The following NTF3 variants were observed in gnomAD, a reference collection of about 807,000 sequenced individuals.
NTF3 encodes the protein neurotrophin 3.
Under a neutral mutation model 26.3 loss-of-function variants are expected in NTF3, and 8 were observed. The ratio of observed to expected loss-of-function variants is 0.30; its 90% confidence interval spans 0.18 to 0.55. NTF3 has a LOEUF of 0.55. Among genes scored for constraint, NTF3 ranks in the 20% least tolerant of loss-of-function variants. The pLI is 0.93. For synonymous variants in NTF3, 154 were observed against 145.5 expected (o/e 1.06, Z -0.42); for missense variants, 276 against 352.9 (o/e 0.78, Z 1.75).
At chr12:5,449,540 G>A (rs1163702370) in intron 1 of NTF3, among the ~76,000 whole-genome samples, 1 of 152,132 alleles carries the variant, frequency 6.6e-6, no homozygotes, top group Non-Finnish European at 1.5e-5. Context: ...CTATTTTGCT[G>A]CCATCCCAGC....
At chr12:5,472,051 G>T (rs566237211) in intron 1 of NTF3, among the ~76,000 whole-genome samples, 1 of 152,146 alleles carries the variant, frequency 6.6e-6, no homozygotes, top group Non-Finnish European at 1.5e-5. Context: ...GGCCAAGAAA[G>T]CATCACCTGG....
intron 1 of NTF3, among the ~76,000 whole-genome samples, chr12:5,444,828 G>A (rs1940283981): frequency 6.6e-6 from 1 of 152,196 alleles, no homozygotes; most frequent in South Asian, 2.1e-4. Flanking sequence ...AAGAATTAAT[G>A]AATGAGCAAA....
Position 5,433,333 on chromosome 12 carries a change from G to T in NTF3, c.18+991G>T. 1 of 152,672 alleles carries T rather than the reference G, an allele frequency of 6.5e-6. No individual in the cohort carries two copies. Among genetic ancestry groups the T allele is most frequent in the Non-Finnish European group, 1.5e-5 (1 of 68,288 alleles). The allele number at this position is 152,672 out of a possible 1,614,324, so 9.5% of individuals were successfully genotyped here. ...CCTGGGCACCCGCGCAGCCAGCCAGGTCGGAGTTTAAAGGTCCCACGACGG... is the reference window on the plus strand; with the variant it reads ...CCTGGGCACCCGCGCAGCCAGCCAGTTCGGAGTTTAAAGGTCCCACGACGG... On this transcript the variant is annotated intron_variant, in intron 1 of 1. Coordinates refer to ENST00000423158, the MANE Select transcript of NTF3 (RefSeq NM_001102654.2). This position sits in a 1 kb window ranked among gnomAD's most constrained non-coding sequence, Gnocchi z 4.6.
At chr12:5,486,880 G>GGTGTGTGTGTGT (rs10527557) in intron 1 of NTF3, among the ~76,000 whole-genome samples, 2 of 148,700 alleles carry the variant, frequency 1.3e-5, no homozygotes, top group African/African-American at 5.0e-5. Flanking sequence ...GTAGTTACGT[G>GGTGTGTGTGTGT]GTGTGTGTGT....
intron 1 of NTF3, among the ~76,000 whole-genome samples, chr12:5,480,064 C>A (rs1469030190): frequency 6.6e-6 from 1 of 152,200 alleles, no homozygotes; most frequent in East Asian, 1.9e-4. Context: ...AATTCAAAGT[C>A]ATCTTCAGCT....
In NTF3 at chr12:5,432,159, C is replaced by A. The variant is rs1940099614; in HGVS notation, c.-166C>A. The A allele has an allele frequency of 5.1e-6, 4 of 777,886 alleles. No homozygotes were observed. The highest frequency in any genetic ancestry group is 4.0e-5 in the Admixed American group (2 of 49,638). 48.2% of individuals were successfully genotyped at this position (777,886 alleles called of 1,614,324 possible). A position where few individuals can be genotyped will look rare whatever the true frequency, so the allele number is the denominator to read the frequency against. ...CCGAACAGCTCCGCGCACCGCCCCG[C>A]GACGCAGCCCGGCGCAACTACTTTC... On this transcript the variant is annotated 5_prime_UTR_variant, in exon 1 of 2. Transcript: ENST00000423158.
chr12:5,435,218 T>C (rs540945947), intron 1 of NTF3, among the ~76,000 whole-genome samples: 1 of 152,322 alleles, frequency 6.6e-6, no homozygotes, highest in Non-Finnish European at 1.5e-5. Flanking sequence ...GGGTTTCTTA[T>C]GTAATAGGAG....
At chr12:5,468,837 G>A (rs760791650) in intron 1 of NTF3, among the ~76,000 whole-genome samples, 9 of 152,180 alleles carry the variant, frequency 5.9e-5, no homozygotes, top group Non-Finnish European at 1.2e-4. Flanking sequence ...AACAGAGAAA[G>A]CGGCTGGGCA....
At chr12:5,445,158 G>A (rs1469216586) in intron 1 of NTF3, among the ~76,000 whole-genome samples, 1 of 152,160 alleles carries the variant, frequency 6.6e-6, no homozygotes, top group Non-Finnish European at 1.5e-5. Context: ...AGAGAGGGCT[G>A]CTTGCATGGA....
In NTF3 at chr12:5,494,829, C is replaced by T. The variant is rs746635468; in HGVS notation, c.654C>T (p.Cys218=). Residue 218 remains cysteine, a synonymous_variant, in exon 2 of 2, where the codon TGC becomes TGT. Transcript: ENST00000423158. The surrounding 1 kb of genome is among the most constrained non-coding windows in gnomAD (Gnocchi z 8.3). ...CKEARPVKNG[C]RGIDDKHWNS... is the part of the protein sequence containing the mutation. ...AAGCCAGGCCGGTCAAAAACGGTTGCAGGGGTATTGATGATAAACACTGGA... is the reference window on the plus strand; with the variant it reads ...AAGCCAGGCCGGTCAAAAACGGTTGTAGGGGTATTGATGATAAACACTGGA... The T allele has an allele frequency of 6.2e-6, 10 of 1,614,072 alleles. No homozygotes were observed. The highest frequency in any genetic ancestry group is 8.5e-6 in the Non-Finnish European group (10 of 1,180,030).
intron 1 of NTF3, among the ~76,000 whole-genome samples, chr12:5,458,101 CCT>C (rs1565388821): frequency 6.6e-6 from 1 of 152,128 alleles, no homozygotes; most frequent in African/African-American, 2.4e-5. Flanking sequence ...ACTCTCCCCA[CCT>C]CTCTCTCACT....
chr12:5,469,792 C>T (rs1940642046), intron 1 of NTF3, among the ~76,000 whole-genome samples: 1 of 152,076 alleles, frequency 6.6e-6, no homozygotes, highest in Admixed American at 6.6e-5. Flanking sequence ...TCATGGCATC[C>T]ACTGTTTTTT....
intron 1 of NTF3, among the ~76,000 whole-genome samples, chr12:5,491,781 G>T (rs979242839): frequency 1.5e-4 from 22 of 145,084 alleles, no homozygotes; most frequent in African/African-American, 5.1e-4. Context: ...GTGCAGTGGC[G>T]TGATGTTGGC....
chr12:5,468,216 A>G (rs1940616810), intron 1 of NTF3, among the ~76,000 whole-genome samples: 1 of 152,214 alleles, frequency 6.6e-6, no homozygotes, highest in Non-Finnish European at 1.5e-5. Flanking sequence ...GTGCTCATAT[A>G]TATGTGTATA....
At chr12:5,478,223 A>G (rs993202412) in intron 1 of NTF3, among the ~76,000 whole-genome samples, 8 of 152,206 alleles carry the variant, frequency 5.3e-5, no homozygotes, top group Non-Finnish European at 1.0e-4. Context: ...TTTGCATTCA[A>G]CGTTTTTCAG....
At chr12:5,430,602 C>T (rs368799166), upstream of NTF3, among the ~76,000 whole-genome samples, 1 of 151,636 alleles carries the variant, frequency 6.6e-6, no homozygotes, top group African/African-American at 2.4e-5. Context: ...CCCTTCCCAC[C>T]TCCCCATCCA....
intron 1 of NTF3, among the ~76,000 whole-genome samples, chr12:5,465,774 C>T (rs760755970): frequency 1.3e-5 from 2 of 152,188 alleles, no homozygotes; most frequent in South Asian, 2.1e-4. Context: ...GAGTTCCAGG[C>T]CAGGGATCCT....
intron 1 of NTF3, among the ~76,000 whole-genome samples, chr12:5,484,507 A>C (rs1940844038): frequency 6.6e-6 from 1 of 152,098 alleles, no homozygotes; most frequent in Non-Finnish European, 1.5e-5. Flanking sequence ...ATCACCCTGA[A>C]ATTTTTTAAA....
chr12:5,493,861 A>G (rs562845600), intron 1 of NTF3, among the ~76,000 whole-genome samples: 4 of 152,170 alleles, frequency 2.6e-5, no homozygotes, highest in Non-Finnish European at 5.9e-5. Flanking sequence ...AGAGTGAACC[A>G]TGCGTCTTTG....
Sources: allele counts gnomAD v4.1 joint callset (sites outside exome capture counted in the v4.1 genomes callset), GRCh38; gene constraint gnomAD v4.1.1; non-coding constraint Gnocchi (gnomAD v3.1); transcripts MANE v1.5; gene names NCBI Gene and HGNC (gene_info 2026-07-23, HGNC 2026-07-21).